The following NIPA1 variants were observed in gnomAD, a reference collection of about 807,000 sequenced individuals.
NIPA1 encodes the protein NIPA magnesium transporter 1, also known as magnesium transporter NIPA1.
In NIPA1, 13 loss-of-function variants were observed where a neutral mutation model predicts 23.9. That is an observed-to-expected ratio of 0.54 (90% CI 0.35 to 0.87). The LOEUF (loss-of-function observed/expected upper bound fraction) is 0.87, where lower values mean the gene tolerates loss of function less well. Ranked by LOEUF, NIPA1 falls within the 40% of genes least tolerant of loss-of-function variation. The probability of loss-of-function intolerance (pLI) is 0.01; values close to 1 mark genes in which losing one functional copy is unlikely to be tolerated. For missense variants in NIPA1, 362 were observed against 429.7 expected (o/e 0.84, Z 1.39); for synonymous variants, 234 against 202.9 (o/e 1.15, Z -1.30).
At chr15:22,804,941 A>G (rs1895174648) in intron 1 of NIPA1, among the ~76,000 whole-genome samples, 1 of 151,868 alleles carries the variant, frequency 6.6e-6, no homozygotes, top group Admixed American at 6.6e-5. Context: ...GGTTCACACC[A>G]TTCTCCTGCC....
At position 22,820,221 on chromosome 15, in the gene NIPA1, GA is replaced by G. The variant is rs930041484; in HGVS notation, c.318-88del. On this transcript the variant is annotated intron_variant, in intron 3 of 4. Coordinates refer to ENST00000337435, the MANE Select transcript of NIPA1 (RefSeq NM_144599.5). ...CTTAAAGGGAAAAAAAGAAGAAAAA[GA>G]AAATGGTTTTTCTAGATAAAATATC... 1.4e-4 allele frequency: 136 copies of G among 967,416 alleles called. No individual in the cohort carries two copies. In the African/African-American group the frequency reaches 1.9e-3, roughly 13 times the overall value. The allele number at this position is 967,416 out of a possible 1,614,324, so 59.9% of individuals were successfully genotyped here. A position where few individuals can be genotyped will look rare whatever the true frequency, so the allele number is the denominator to read the frequency against.
At chr15:22,788,038 C>G (rs1182756378) in intron 1 of NIPA1, among the ~76,000 whole-genome samples, 1 of 152,140 alleles carries the variant, frequency 6.6e-6, no homozygotes, top group African/African-American at 2.4e-5. Flanking sequence ...GATACACACA[C>G]ACCGCAGCCA....
intron 1 of NIPA1, among the ~76,000 whole-genome samples, chr15:22,790,740 G>A (rs1419107927): frequency 1.3e-5 from 2 of 152,072 alleles, no homozygotes; most frequent in Non-Finnish European, 2.9e-5. Flanking sequence ...AATGCACCAG[G>A]CATTGTGTAG....
chr15:22,821,808 C>G (rs1895546310), intron 4 of NIPA1, among the ~76,000 whole-genome samples: 1 of 152,222 alleles, frequency 6.6e-6, no homozygotes, highest in South Asian at 2.1e-4. Context: ...GTTCCCAGCC[C>G]TCTCAGGTCC....
At chr15:22,808,679 C>CTTAATATTCTTTTTTTTTTTTTTT (rs1295103631) in intron 1 of NIPA1, among the ~76,000 whole-genome samples, 3 of 128,338 alleles carry the variant, frequency 2.3e-5, no homozygotes, top group South Asian at 2.5e-4. Flanking sequence ...TAGCAATATT[C>CTTAATATTCTTTTTTTTTTTTTTT]TTTTTTTTGA....
chr15:22,792,182 A>C (rs1166272867), intron 1 of NIPA1, among the ~76,000 whole-genome samples: 1 of 152,164 alleles, frequency 6.6e-6, no homozygotes, highest in Non-Finnish European at 1.5e-5. Flanking sequence ...CAACATTAGA[A>C]TAGCAGTGCC....
intron 1 of NIPA1, 45 bp from the exon 2 acceptor site, chr15:22,810,704 C>T: frequency 8.3e-7 from 1 of 1,207,724 alleles, no homozygotes; most frequent in South Asian, 1.2e-5. Context: ...ATATACGTAG[C>T]TGGTAAACCC....
intron 2 of NIPA1, 88 bp downstream of exon 2, chr15:22,810,884 T>G (rs1054517411): frequency 9.6e-7 from 1 of 1,044,090 alleles, no homozygotes; most frequent in Non-Finnish European, 1.5e-6. Context: ...TGGGCTAGGG[T>G]GGCTCTGTTC....
intron 3 of NIPA1, among the ~76,000 whole-genome samples, chr15:22,816,700 A>G (rs1895426939): frequency 6.7e-6 from 1 of 149,562 alleles, no homozygotes; most frequent in Admixed American, 6.7e-5. Context: ...CATGTTGGCT[A>G]GGCTAGTCTT....
chr15:22,786,677 AGCG>A lies in NIPA1; in HGVS notation c.45_47del (p.Ala16del), dbSNP rs531550505. On this transcript the variant is annotated inframe_deletion, in exon 1 of 5. Transcript: ENST00000337435. Reference sequence around the variant, plus strand: ...GCGGAATGGGGACTGCAGCTGCGGCAGCGGCGGCGGCGGCGGCGGCGGCGGCCG... The same window carrying A: ...GCGGAATGGGGACTGCAGCTGCGGCAGCGGCGGCGGCGGCGGCGGCGGCCG... 236,850 of 1,049,866 alleles carry A rather than the reference AGCG, an allele frequency of 0.23. 24,726 individuals carry two copies. Among genetic ancestry groups the A allele is most frequent in the East Asian group, 0.43 (5,787 of 13,510 alleles). The allele number at this position is 1,049,866 out of a possible 1,614,324, so 65.0% of individuals were successfully genotyped here.
At chr15:22,811,834 A>G (rs1895323439) in intron 2 of NIPA1, among the ~76,000 whole-genome samples, 1 of 152,152 alleles carries the variant, frequency 6.6e-6, no homozygotes, top group African/African-American at 2.4e-5. Flanking sequence ...TAGAGGGTGC[A>G]CAGGAAGTTC....
upstream of NIPA1, chr15:22,786,592 AC>A (rs1036428523): frequency 3.4e-5 from 18 of 534,784 alleles, no homozygotes; most frequent in Non-Finnish European, 4.3e-5. Flanking sequence ...CCTCCCGGTC[AC>A]CCCCCATCCC....
intron 1 of NIPA1, among the ~76,000 whole-genome samples, chr15:22,792,756 C>G (rs781116349): frequency 5.3e-5 from 8 of 151,882 alleles, no homozygotes; most frequent in Non-Finnish European, 1.0e-4. Flanking sequence ...GTGTTTGAGA[C>G]CAGCCTGGCC....
In NIPA1 at chr15:22,829,629, GAC is replaced by G. The variant is rs1391653245; in HGVS notation, c.*5394_*5395del. ...GGGGAGCTTCCAATTAGCATACATAGACACATGTGTCAGTGGCCAAGACCTGC... is the reference window on the plus strand; with the variant it reads ...GGGGAGCTTCCAATTAGCATACATAGACATGTGTCAGTGGCCAAGACCTGC... On this transcript the variant is annotated 3_prime_UTR_variant, in exon 5 of 5. Coordinates refer to ENST00000337435, the MANE Select transcript of NIPA1 (RefSeq NM_144599.5). 2 of 152,158 alleles carry G rather than the reference GAC, an allele frequency of 1.3e-5. No individual in the cohort carries two copies. Among genetic ancestry groups the G allele is most frequent in the Non-Finnish European group, 2.9e-5 (2 of 68,032 alleles). 9.4% of individuals were successfully genotyped at this position (152,158 alleles called of 1,614,324 possible). A position where few individuals can be genotyped will look rare whatever the true frequency, so the allele number is the denominator to read the frequency against.
In NIPA1 at chr15:22,827,987, C is replaced by G. The variant is rs548304978; in HGVS notation, c.*3748C>G. On this transcript the variant is annotated 3_prime_UTR_variant, in exon 5 of 5. Transcript: ENST00000337435. ...CTCCCGTTGTGCCGCTTCGACCTGA[C>G]ACCTGCTCGATGCTGACTTAGGCTT... The G allele has an allele frequency of 6.6e-6, 1 of 152,354 alleles. No individual in the cohort carries two copies. Among genetic ancestry groups the G allele is most frequent in the African/African-American group, 2.4e-5 (1 of 41,552 alleles). The allele number at this position is 152,354 out of a possible 1,614,324, so 9.4% of individuals were successfully genotyped here.
intron 1 of NIPA1, among the ~76,000 whole-genome samples, chr15:22,787,317 G>A (rs1236869980): frequency 2.0e-5 from 3 of 152,324 alleles, no homozygotes; most frequent in East Asian, 1.9e-4. Context: ...GGGTACGCTC[G>A]GTAGAGCAAG....
intron 1 of NIPA1, among the ~76,000 whole-genome samples, chr15:22,799,026 T>G (rs1895006483): frequency 6.6e-6 from 1 of 151,970 alleles, no homozygotes; most frequent in Non-Finnish European, 1.5e-5. Context: ...TGGAGATTTT[T>G]CAAAGAACTA....
At chr15:22,788,920 A>AAAAAAAC (rs1894770452) in intron 1 of NIPA1, among the ~76,000 whole-genome samples, 1 of 21,170 alleles carries the variant, frequency 4.7e-5, no homozygotes, top group Non-Finnish European at 9.3e-5. Context: ...GCTCTGTCTT[A>AAAAAAAC]AAAAAAAAAA....
At position 22,788,591 on chromosome 15, in the gene NIPA1, G is replaced by C. The variant is rs558926387; in HGVS notation, c.178+1757G>C. 2.0e-5 allele frequency among the ~76,000 whole-genome samples: 3 copies of C among 151,640 alleles called. No homozygotes were observed. The South Asian group carries it at 6.2e-4, about 32-fold the overall frequency. Reference sequence around the variant, plus strand: ...CACGTCACAACCAGGAGGAGCCTAAGAACACGTGAACACCAGATGTAAGAC... The same window carrying C: ...CACGTCACAACCAGGAGGAGCCTAACAACACGTGAACACCAGATGTAAGAC... On this transcript the variant is annotated intron_variant, in intron 1 of 4. Transcript: ENST00000337435.
Sources: allele counts gnomAD v4.1 joint callset (sites outside exome capture counted in the v4.1 genomes callset), GRCh38; gene constraint gnomAD v4.1.1; transcripts MANE v1.5; gene names NCBI Gene and HGNC (gene_info 2026-07-23, HGNC 2026-07-21).